The following HHIPL2 variants were observed in gnomAD, a reference collection of about 807,000 sequenced individuals.
HHIPL2 encodes the protein HHIP like 2, also known as HHIP-like protein 2.
A neutral mutation model predicts 61.0 loss-of-function variants in HHIPL2; 61 were observed. The ratio of observed to expected loss-of-function variants is 1.00; its 90% confidence interval spans 0.81 to 1.24. The LOEUF (loss-of-function observed/expected upper bound fraction) is 1.24, where lower values mean the gene tolerates loss of function less well. Ranked by LOEUF, HHIPL2 falls within the 50% of genes most tolerant of loss-of-function variation. The probability of loss-of-function intolerance (pLI) is 0.00; values close to 1 mark genes in which losing one functional copy is unlikely to be tolerated. For missense variants in HHIPL2, 885 were observed against 910.2 expected (o/e 0.97, Z 0.36); for synonymous variants, 343 against 357.4 (o/e 0.96, Z 0.45).
In HHIPL2 at chr1:222,548,084, G is replaced by C; in HGVS notation, c.-40C>G. ...CACTCGGGCTGCTGTGTTTGCTCAG[G>C]TTGGCTTCCCTGCTCTGCCCAAGGT... On this transcript the variant is annotated 5_prime_UTR_variant, in exon 1 of 9. Transcript: ENST00000343410. The C allele has an allele frequency of 6.9e-7, 1 of 1,457,798 alleles. No individual in the cohort carries two copies. Among genetic ancestry groups the C allele is most frequent in the Middle Eastern group, 1.8e-4 (1 of 5,424 alleles). The allele number at this position is 1,457,798 out of a possible 1,614,324, so 90.3% of individuals were successfully genotyped here.
chr1:222,524,010 T>C, intron 7 of HHIPL2: 1 of 326,498 alleles, frequency 3.1e-6, no homozygotes, highest in Non-Finnish European at 5.7e-6. Flanking sequence ...TCTCCACATC[T>C]ATCAAATGCA....
chr1:222,522,732 G>C lies in HHIPL2; in HGVS notation c.2044C>G (p.Pro682Ala), dbSNP rs1658980487. 6.2e-7 allele frequency: 1 copy of C among 1,614,094 alleles called. No individual in the cohort carries two copies. The highest frequency in any genetic ancestry group is 8.5e-7 in the Non-Finnish European group (1 of 1,180,022). The stretch of plus-strand genomic sequence containing the variant: ...ACTCTGGCTTTCTTCTTTGTACCAG[G>C]CCCTCGCAATGTATTCTTGCTGCTT... ...PTSSKNTLRG[P>A]GTKKKARVGP... The change falls in exon 9 of 9, where the codon CCT becomes GCT. Residue 682 changes from proline (P) to alanine (A), a missense_variant. Transcript: ENST00000343410.
intron 5 of HHIPL2, among the ~76,000 whole-genome samples, chr1:222,532,849 T>TAA (rs34200468): frequency 6.6e-6 from 1 of 151,864 alleles, no homozygotes; most frequent in African/African-American, 2.4e-5. Context: ...TAGTAAGGGT[T>TAA]AAAAAAACTA....
At chr1:222,523,541 G>C in intron 8 of HHIPL2, 71 bp downstream of exon 8, 2 of 1,393,124 alleles carry the variant, frequency 1.4e-6, no homozygotes, top group Admixed American at 3.4e-5. Context: ...GGGAATTATA[G>C]CCTGCTTGCT....
chr1:222,541,149 A>G (rs565746547), intron 3 of HHIPL2, among the ~76,000 whole-genome samples: 1 of 152,328 alleles, frequency 6.6e-6, no homozygotes, highest in African/African-American at 2.4e-5. Flanking sequence ...GTTACTGTGT[A>G]TATAGCGTTT....
intron 5 of HHIPL2, 151 bp downstream of exon 5, chr1:222,538,497 C>T (rs1326730131): frequency 4.1e-6 from 3 of 727,696 alleles, no homozygotes; most frequent in African/African-American, 3.6e-5. Flanking sequence ...TGTTCTGCCT[C>T]TTGATATGGT....
intron 2 of HHIPL2, among the ~76,000 whole-genome samples, chr1:222,542,825 A>G (rs1659461629): frequency 6.6e-6 from 1 of 151,814 alleles, no homozygotes; most frequent in South Asian, 2.1e-4. Flanking sequence ...GCCTGGCCTC[A>G]TTTTTCTTTC....
chr1:222,542,483 T>C (rs569696699), intron 2 of HHIPL2, among the ~76,000 whole-genome samples: 1 of 150,066 alleles, frequency 6.7e-6, no homozygotes, highest in Admixed American at 6.7e-5. Flanking sequence ...CTGCCTCAGC[T>C]GAGAGCCTCC....
chr1:222,535,367 C>G (rs184852500), intron 5 of HHIPL2, among the ~76,000 whole-genome samples: 6 of 152,198 alleles, frequency 3.9e-5, no homozygotes, highest in Non-Finnish European at 8.8e-5. Context: ...AAACATGCAT[C>G]TACCCAAAGG....
rs1020719910 is a variant in HHIPL2, at chr1:222,542,153, A to T, written c.977T>A (p.Val326Asp). The change falls in exon 3 of 9, where the codon GTC (valine) becomes GAC (aspartate). Residue 326 changes from valine to aspartate, a missense_variant and splice_region_variant. Coordinates refer to ENST00000343410, the MANE Select transcript of HHIPL2 (RefSeq NM_024746.4). ...PNKADLKSERVILEIEEPASN... is the reference protein window; with the variant it reads ...PNKADLKSERDILEIEEPASN... ...GGCTGGTTCTTCAATCTCCAAGATGACCCTGGAAGAGAAAAAAGAAACCAC... is the reference window on the plus strand; with the variant it reads ...GGCTGGTTCTTCAATCTCCAAGATGTCCCTGGAAGAGAAAAAAGAAACCAC... The T allele has an allele frequency of 2.5e-6, 4 of 1,612,164 alleles. No homozygotes were observed. Among genetic ancestry groups the T allele is most frequent in the Non-Finnish European group, 3.4e-6 (4 of 1,179,612 alleles).
chr1:222,547,917 G>C lies in HHIPL2; in HGVS notation c.128C>G (p.Pro43Arg). 2.5e-6 allele frequency: 4 copies of C among 1,613,172 alleles called. No individual in the cohort carries two copies. In the South Asian group the frequency reaches 4.4e-5, roughly 18 times the overall value. The change falls in exon 1 of 9, where the codon CCC (proline) becomes CGC (arginine). Residue 43 changes from proline to arginine, a missense_variant. Transcript: ENST00000343410. The part of the protein sequence containing the change: ...LGQVGLLQGH[P>R]QCLDYGPPFQ... Reference sequence around the variant, plus strand: ...AGGGGGCCCGTAATCCAGGCACTGGGGGTGTCCCTGCAGCAAGCCCACCTG... The same window carrying C: ...AGGGGGCCCGTAATCCAGGCACTGGCGGTGTCCCTGCAGCAAGCCCACCTG...
rs1006438808 is a variant in HHIPL2 at position 222,522,820 on chromosome 1, T to G, written c.1956A>C (p.Leu652Phe). ...ACAAACCCTGGGCTGGGCCAGAAGC[T>G]AAGGTTGCACTGGAAGATTTTCTAG... Reference protein sequence around the residue: ...KAARKSSSATLASGPAQGLSE... With the variant: ...KAARKSSSATFASGPAQGLSE... Residue 652 changes from leucine to phenylalanine, a missense_variant, in exon 9 of 9, where the codon TTA becomes TTC. Transcript: ENST00000343410. 3.1e-6 allele frequency: 5 copies of G among 1,614,206 alleles called. No individual in the cohort carries two copies. The highest frequency in any genetic ancestry group is 4.2e-6 in the Non-Finnish European group (5 of 1,180,028).
At position 222,532,059 on chromosome 1, in the gene HHIPL2, C is replaced by T. The variant is rs1158980757; in HGVS notation, c.1630G>A (p.Asp544Asn). Residue 544 changes from aspartate to asparagine, a missense_variant, in exon 6 of 9, where the codon GAT (aspartate) becomes AAT (asparagine). Transcript: ENST00000343410. ...GACGTGGTGCTGCCCAGGCAAAGAT[C>T]CTGCTTCTTCCATTTCTTGTTTTTT... ...DRKNKKWKKQ[D>N]LCLGSTTSCA... 3 of 1,613,702 alleles carry T rather than the reference C, an allele frequency of 1.9e-6. No homozygotes were observed. In the African/African-American group the frequency reaches 4.0e-5, roughly 22 times the overall value.
chr1:222,523,406 T>A (rs1487560618), intron 8 of HHIPL2, among the ~76,000 whole-genome samples: 1 of 152,186 alleles, frequency 6.6e-6, no homozygotes, highest in East Asian at 1.9e-4. Context: ...AACGAATGAA[T>A]GAACGAATAA....
chr1:222,538,846 CT>C, intron 4 of HHIPL2, 72 bp from the exon 5 acceptor site: 1 of 1,522,222 alleles, frequency 6.6e-7, no homozygotes, highest in Admixed American at 1.8e-5. Flanking sequence ...AAGAAGGGGA[CT>C]TTTTAATGCA....
At chr1:222,540,556 C>A (rs1020179640) in intron 3 of HHIPL2, among the ~76,000 whole-genome samples, 1 of 152,104 alleles carries the variant, frequency 6.6e-6, no homozygotes, top group South Asian at 2.1e-4. Flanking sequence ...TTAAGACTGC[C>A]CCATGTTTGG....
At position 222,543,670 on chromosome 1, in the gene HHIPL2, G is replaced by T; in HGVS notation, c.841C>A (p.Pro281Thr). The change falls in exon 2 of 9, where the codon CCC (proline) becomes ACC (threonine). Residue 281 changes from proline (P) to threonine (T), a missense_variant. Transcript: ENST00000343410. Reference sequence around the variant, plus strand: ...AACTTGCGATTGTGGCGGAATTTGGGGTGAAAAGCCAACCCCAAGAAGCCT... The same window carrying T: ...AACTTGCGATTGTGGCGGAATTTGGTGTGAAAAGCCAACCCCAAGAAGCCT... The part of the protein sequence containing the change: ...ERGFLGLAFH[P>T]KFRHNRKFYI... 1.2e-6 allele frequency: 2 copies of T among 1,614,130 alleles called. No homozygotes were observed.
At chr1:222,546,917 CTGCCTGGACTTCT>C (rs1469186062) in intron 1 of HHIPL2, among the ~76,000 whole-genome samples, 1 of 152,218 alleles carries the variant, frequency 6.6e-6, no homozygotes, top group African/African-American at 2.4e-5. Context: ...GTTCAAAAGG[CTGCCTGGACTTCT>C]TGCCTCTCCT....
rs1659360184 is a variant in HHIPL2 at position 222,538,733 on chromosome 1, T to TC, written c.1491dup (p.Lys498GlufsTer13). The TC allele has an allele frequency of 6.2e-7, 1 of 1,613,966 alleles. No homozygotes were observed. The highest frequency in any genetic ancestry group is 1.3e-5 in the African/African-American group (1 of 75,004). Reference sequence around the variant, plus strand: ...TAGACATAACCTCCAGTGACTGACTTCCCCACTGCATGGCCATAAGCATAG... The same window carrying TC: ...TAGACATAACCTCCAGTGACTGACTTCCCCCACTGCATGGCCATAAGCATAG... On this transcript the variant is annotated frameshift_variant, in exon 5 of 9. Transcript: ENST00000343410. LOFTEE classifies it high-confidence loss of function.
Sources: gnomAD v4.1 joint callset for allele counts (sites outside exome capture counted in the v4.1 genomes callset) on GRCh38, gnomAD v4.1.1 for gene constraint, MANE v1.5 for transcripts, NCBI Gene and HGNC (gene_info 2026-07-23, HGNC 2026-07-21) for gene names.